The following CCDC73 variants were observed in gnomAD, a reference collection of about 807,000 sequenced individuals.
The protein encoded by CCDC73 is coiled-coil domain-containing protein 73.
Under a neutral mutation model 116.5 loss-of-function variants are expected in CCDC73, and 95 were observed. The ratio of observed to expected loss-of-function variants is 0.82; its 90% CI spans 0.69 to 0.97. The LOEUF (loss-of-function observed/expected upper bound fraction) is 0.97. Among genes scored for constraint, CCDC73 ranks in the 50% least tolerant of loss-of-function variants. CCDC73 has a pLI of 0.00. For synonymous variants in CCDC73, 398 were observed against 401.3 expected (o/e 0.99, Z 0.10); for missense variants, 1,066 against 1,206.8 (o/e 0.88, Z 1.73).
intron 14 of CCDC73, among the ~76,000 whole-genome samples, chr11:32,616,671 A>G (rs1480219611): frequency 6.6e-6 from 1 of 152,128 alleles, no homozygotes; most frequent in African/African-American, 2.4e-5. Flanking sequence ...GTATCCTTAA[A>G]ACAGTGAATC....
the CCDC73 span, among the ~76,000 whole-genome samples, chr11:32,818,491 T>C: frequency 6.6e-6 from 1 of 152,206 alleles, no homozygotes; most frequent in African/African-American, 2.4e-5. Flanking sequence ...GCCTTAAAAA[T>C]GTTACATATT....
chr11:32,648,702 CCATGACACCCAT>C lies in CCDC73; in HGVS notation c.939+4409_939+4420del, dbSNP rs147753958. On this transcript the variant is annotated intron_variant, in intron 12 of 17. Transcript: ENST00000335185. ...GAGTAGCTGGGATTACAGGCATGTGCCATGACACCCATCTAATTTTGTATTTTTAGTAGAGGT... is the reference window on the plus strand; with the variant it reads ...GAGTAGCTGGGATTACAGGCATGTGCCTAATTTTGTATTTTTAGTAGAGGT... 6.0e-3 allele frequency among the ~76,000 whole-genome samples: 909 copies of C among 152,278 alleles called. 9 individuals are homozygous for C. The highest frequency in any genetic ancestry group is 0.021 in the African/African-American group (881 of 41,554).
At chr11:32,641,745 A>G (rs1238155752) in intron 13 of CCDC73, among the ~76,000 whole-genome samples, 2 of 151,396 alleles carry the variant, frequency 1.3e-5, no homozygotes. Context: ...GCATATATAC[A>G]CAAACATGTA....
At chr11:32,631,958 G>T (rs1224422661) in intron 14 of CCDC73, among the ~76,000 whole-genome samples, 1 of 152,148 alleles carries the variant, frequency 6.6e-6, no homozygotes, top group Non-Finnish European at 1.5e-5. Context: ...CTCTTGTGAG[G>T]TTCTCTCTGA....
At chr11:32,675,832 G>C in intron 8 of CCDC73, 54 bp downstream of exon 8, 1 of 1,420,064 alleles carries the variant, frequency 7.0e-7, no homozygotes, top group Non-Finnish European at 9.6e-7. Context: ...TAGTAAATAA[G>C]TCCATTCAAA....
At chr11:32,718,614 G>C (rs1410562304) in intron 2 of CCDC73, among the ~76,000 whole-genome samples, 1 of 152,184 alleles carries the variant, frequency 6.6e-6, no homozygotes, top group Non-Finnish European at 1.5e-5. Flanking sequence ...TGTAGGGGAA[G>C]AGCAGTCCCA....
At chr11:32,717,334 C>T (rs781775541) in intron 3 of CCDC73, among the ~76,000 whole-genome samples, 2 of 152,178 alleles carry the variant, frequency 1.3e-5, no homozygotes, top group Non-Finnish European at 2.9e-5. Flanking sequence ...AGAGCTGCTA[C>T]TATTTTTTAA....
At chr11:32,778,831 C>T (rs964832404) in intron 1 of CCDC73, among the ~76,000 whole-genome samples, 1 of 151,884 alleles carries the variant, frequency 6.6e-6, no homozygotes, top group African/African-American at 2.4e-5. Flanking sequence ...AAAACGGATG[C>T]TAAATACCCA....
At chr11:32,810,965 T>C in the CCDC73 span, among the ~76,000 whole-genome samples, 1 of 151,842 alleles carries the variant, frequency 6.6e-6, no homozygotes, top group Non-Finnish European at 1.5e-5. Context: ...ACCCCATCTC[T>C]ACTAAGAATG....
At chr11:32,627,832 A>C (rs1205814537) in intron 14 of CCDC73, among the ~76,000 whole-genome samples, 2 of 152,152 alleles carry the variant, frequency 1.3e-5, no homozygotes, top group African/African-American at 4.8e-5. Flanking sequence ...GGGTGAGGGG[A>C]GCGGGGAGGG....
At chr11:32,631,126 T>C (rs983861702) in intron 14 of CCDC73, among the ~76,000 whole-genome samples, 1 of 152,174 alleles carries the variant, frequency 6.6e-6, no homozygotes, top group Admixed American at 6.5e-5. Flanking sequence ...AAGTTCACAG[T>C]TATGATTAAA....
At chr11:32,792,799 C>A (rs1850688609) in intron 1 of CCDC73, among the ~76,000 whole-genome samples, 2 of 152,190 alleles carry the variant, frequency 1.3e-5, no homozygotes, top group Admixed American at 1.3e-4. Flanking sequence ...CACTTGTCGG[C>A]TGTGTAATCA....
chr11:32,652,587 C>CT (rs1346737751), intron 12 of CCDC73, among the ~76,000 whole-genome samples: 1 of 152,132 alleles, frequency 6.6e-6, no homozygotes, highest in African/African-American at 2.4e-5. Context: ...GAAAAAGCCT[C>CT]TTTTTTGAAC....
At chr11:32,739,798 C>G (rs111737487) in intron 2 of CCDC73, among the ~76,000 whole-genome samples, 1,825 of 152,218 alleles carry the variant, frequency 0.012, 36 homozygotes, top group African/African-American at 0.042. Context: ...TCTTCCCATT[C>G]AGTATAATAC....
chr11:32,801,909 G>A, the CCDC73 span, among the ~76,000 whole-genome samples: 9 of 152,082 alleles, frequency 5.9e-5, no homozygotes, highest in South Asian at 2.1e-4. Context: ...CATGGAACTC[G>A]GTTAGATCAC....
chr11:32,794,872 G>T (rs566127580), upstream of CCDC73, among the ~76,000 whole-genome samples: 1,642 of 149,280 alleles, frequency 0.011, 28 homozygotes, highest in African/African-American at 0.038. Context: ...TTTGTTTTTG[G>T]TTTTTTTTTT....
In CCDC73 at chr11:32,614,429, T is replaced by C. The variant is rs746878256; in HGVS notation, c.1889A>G (p.Asp630Gly). 6.2e-6 allele frequency: 10 copies of C among 1,613,446 alleles called. No homozygotes were observed. The South Asian group carries it at 1.1e-4, about 18-fold the overall frequency. ...ATTTTTTTTTATATCTAGAGACGAG[T>C]CCAAATCTGCTTTGGTTTGGTCACT... is the stretch of plus-strand genomic sequence containing the variant. The part of the protein sequence containing the change: ...TNSDQTKADL[D>G]SSLDIKKNPV... Residue 630 changes from aspartate to glycine, a missense_variant, in exon 16 of 18, where the codon GAC becomes GGC. Transcript: ENST00000335185.
At chr11:32,778,433 A>T (rs1850555275) in intron 1 of CCDC73, among the ~76,000 whole-genome samples, 1 of 152,240 alleles carries the variant, frequency 6.6e-6, no homozygotes, top group African/African-American at 2.4e-5. Flanking sequence ...GCTGAGTTAA[A>T]GAACTAGGCA....
At chr11:32,809,633 A>G in the CCDC73 span, among the ~76,000 whole-genome samples, 168 of 152,312 alleles carry the variant, frequency 1.1e-3, 1 homozygote, top group Admixed American at 2.2e-3. Flanking sequence ...CCTGCATCCC[A>G]CAAGAGTTAA....
Sources: allele counts gnomAD v4.1 joint callset (sites outside exome capture counted in the v4.1 genomes callset), GRCh38; gene constraint gnomAD v4.1.1; transcripts MANE v1.5; gene names NCBI Gene and HGNC (gene_info 2026-07-23, HGNC 2026-07-21).